CDC42SE2: variants seen among roughly 807,000 people sequenced by gnomAD.
CDC42SE2 encodes CDC42 small effector protein 2.
CDC42SE2 carries 3 observed loss-of-function variants against 11.5 expected under a neutral mutation model. That is an observed-to-expected ratio of 0.26 (90% confidence interval 0.12 to 0.67). The LOEUF (loss-of-function observed/expected upper bound fraction) is 0.67. Among genes scored for constraint, CDC42SE2 ranks in the 30% least tolerant of loss-of-function variants. The pLI is 0.80. For missense variants in CDC42SE2, 82 were observed against 106.8 expected (o/e 0.77, Z 1.02); for synonymous variants, 33 against 34.8 (o/e 0.95, Z 0.18).
intron 3 of CDC42SE2, among the ~76,000 whole-genome samples, chr5:131,373,329 A>G (rs754445824): frequency 5.3e-5 from 8 of 152,210 alleles, no homozygotes; most frequent in Admixed American, 1.3e-4. Flanking sequence ...GTGGGAACCT[A>G]TTTAGCTGAG....
chr5:131,317,153 C>T (rs1758058803), intron 2 of CDC42SE2, among the ~76,000 whole-genome samples: 1 of 152,032 alleles, frequency 6.6e-6, no homozygotes, highest in Non-Finnish European at 1.5e-5. Flanking sequence ...CACACTGCTT[C>T]CCTCTAGGAT....
At chr5:131,245,769 A>G (rs940807398) in intron 1 of CDC42SE2, among the ~76,000 whole-genome samples, 2 of 152,154 alleles carry the variant, frequency 1.3e-5, no homozygotes, top group African/African-American at 4.8e-5. Context: ...TTCTACTTTT[A>G]TTAAAAGTAA....
chr5:131,293,472 T>G (rs1033234306), intron 1 of CDC42SE2, among the ~76,000 whole-genome samples: 2 of 151,208 alleles, frequency 1.3e-5, no homozygotes, highest in African/African-American at 4.9e-5. Context: ...CCGGGGCGGC[T>G]GAGGCAGGAG....
chr5:131,334,191 C>G (rs936462605), intron 2 of CDC42SE2, among the ~76,000 whole-genome samples: 5 of 152,108 alleles, frequency 3.3e-5, no homozygotes, highest in African/African-American at 7.2e-5. Flanking sequence ...TGAATTTTGT[C>G]AAAGGTCTTT....
chr5:131,350,936 A>ATTATTTTATTTTATT (rs370789354), intron 2 of CDC42SE2, among the ~76,000 whole-genome samples: 3 of 151,872 alleles, frequency 2.0e-5, no homozygotes, highest in Admixed American at 6.6e-5. Context: ...ATGTTACTCA[A>ATTATTTTATTTTATT]TTATTTTATT....
chr5:131,226,509 G>T, the CDC42SE2 span, among the ~76,000 whole-genome samples: 2 of 152,188 alleles, frequency 1.3e-5, no homozygotes, highest in Non-Finnish European at 2.9e-5. Flanking sequence ...CCCTAAAGGG[G>T]CCTGCAGTCA....
chr5:131,311,832 T>G (rs1757922897), intron 1 of CDC42SE2, among the ~76,000 whole-genome samples: 1 of 152,158 alleles, frequency 6.6e-6, no homozygotes, highest in African/African-American at 2.4e-5. Flanking sequence ...GTTATTCTAG[T>G]TATACATTCT....
intron 3 of CDC42SE2, among the ~76,000 whole-genome samples, chr5:131,375,039 T>G (rs957878672): frequency 2.6e-5 from 4 of 151,896 alleles, no homozygotes; most frequent in African/African-American, 9.7e-5. Context: ...TCCTTTTTTT[T>G]TTTTTTTTTA....
chr5:131,310,447 T>G (rs1156640964), intron 1 of CDC42SE2, among the ~76,000 whole-genome samples: 1 of 152,110 alleles, frequency 6.6e-6, no homozygotes, highest in Non-Finnish European at 1.5e-5. Flanking sequence ...GAGAGTTCTG[T>G]AGATGTCTAT....
chr5:131,271,272 A>G (rs1258006036), intron 1 of CDC42SE2, among the ~76,000 whole-genome samples: 1 of 152,160 alleles, frequency 6.6e-6, no homozygotes, highest in African/African-American at 2.4e-5. Context: ...AATTTCATTA[A>G]TTCCACTGGG....
the CDC42SE2 span, among the ~76,000 whole-genome samples, chr5:131,233,444 C>T: frequency 5.9e-5 from 9 of 152,160 alleles, no homozygotes; most frequent in East Asian, 9.7e-4. Context: ...CTTGGCTCAC[C>T]GCAACCTCCG....
At chr5:131,287,034 G>A (rs1580732255) in intron 1 of CDC42SE2, among the ~76,000 whole-genome samples, 1 of 151,932 alleles carries the variant, frequency 6.6e-6, no homozygotes, top group Non-Finnish European at 1.5e-5. Context: ...TTGCTCTGTC[G>A]CCCAGGCTGG....
chr5:131,215,591 C>T, the CDC42SE2 span, among the ~76,000 whole-genome samples: 2 of 152,222 alleles, frequency 1.3e-5, no homozygotes, highest in Non-Finnish European at 2.9e-5. Context: ...GTTTTCAACT[C>T]CTCTGCTCAG....
upstream of CDC42SE2, among the ~76,000 whole-genome samples, chr5:131,263,099 A>ATTT (rs370938077): frequency 3.6e-5 from 5 of 137,768 alleles, no homozygotes; most frequent in Admixed American, 7.2e-5. Context: ...CACCAGGGTA[A>ATTT]TTTTTTTTTT....
At chr5:131,245,598 AG>A (rs1580713953) in exon 1 of CDC42SE2, 1 of 152,256 alleles carries the variant, frequency 6.6e-6, no homozygotes, top group Admixed American at 6.5e-5. Flanking sequence ...GGACTTAAAC[AG>A]GTGAGTAATT....
At chr5:131,215,380 T>C in the CDC42SE2 span, among the ~76,000 whole-genome samples, 16 of 152,202 alleles carry the variant, frequency 1.1e-4, no homozygotes, top group African/African-American at 3.9e-4. Context: ...ATGGAGGAAT[T>C]GGTTTAAAGA....
intron 2 of CDC42SE2, among the ~76,000 whole-genome samples, chr5:131,318,588 C>T (rs532120021): frequency 2.6e-5 from 4 of 152,176 alleles, no homozygotes; most frequent in Non-Finnish European, 5.9e-5. Context: ...GATTAAGAAG[C>T]CAACACTGAG....
chr5:131,237,930 G>A, the CDC42SE2 span, among the ~76,000 whole-genome samples: 1 of 152,022 alleles, frequency 6.6e-6, no homozygotes, highest in Non-Finnish European at 1.5e-5. Flanking sequence ...TTCTCAGTGT[G>A]TTCCTCTATT....
intron 1 of CDC42SE2, among the ~76,000 whole-genome samples, chr5:131,271,202 T>A (rs1180127609): frequency 1.3e-5 from 2 of 152,178 alleles, no homozygotes; most frequent in Non-Finnish European, 2.9e-5. Context: ...GTCTTTAAGG[T>A]AGTTCTATAA....
Sources: allele counts gnomAD v4.1 joint callset (sites outside exome capture counted in the v4.1 genomes callset), GRCh38; gene constraint gnomAD v4.1.1; transcripts MANE v1.5; gene names NCBI Gene and HGNC (gene_info 2026-07-23, HGNC 2026-07-21).